The following GOT1 variants were observed in gnomAD, a reference collection of about 807,000 sequenced individuals.
GOT1 encodes aspartate aminotransferase, cytoplasmic.
Under a neutral mutation model 48.2 loss-of-function variants are expected in GOT1, and 25 were observed. The ratio of observed to expected loss-of-function variants is 0.52; its 90% CI spans 0.38 to 0.72. The LOEUF (loss-of-function observed/expected upper bound fraction) is 0.72, where lower values mean the gene tolerates loss of function less well. Ranked by LOEUF, GOT1 falls within the 30% of genes least tolerant of loss-of-function variation. The pLI, the probability that GOT1 is intolerant of heterozygous loss-of-function variation, is 0.00. For synonymous variants in GOT1, 188 were observed against 193.8 expected (o/e 0.97, Z 0.25); for missense variants, 380 against 520.1 (o/e 0.73, Z 2.62).
intron 1 of GOT1, among the ~76,000 whole-genome samples, chr10:99,429,690 G>C (rs1351355911): frequency 6.6e-6 from 1 of 152,116 alleles, no homozygotes; most frequent in African/African-American, 2.4e-5. Context: ...AAATCTTCTT[G>C]GCAGATGGGG....
chr10:99,419,654 G>T (rs1180591360), intron 2 of GOT1, among the ~76,000 whole-genome samples: 2 of 152,196 alleles, frequency 1.3e-5, no homozygotes, highest in Non-Finnish European at 2.9e-5. Flanking sequence ...AAAGAGAGGG[G>T]AGAAGGGTGG....
chr10:99,423,635 G>GA (rs1371262066), intron 1 of GOT1, among the ~76,000 whole-genome samples: 5 of 152,034 alleles, frequency 3.3e-5, no homozygotes, highest in Non-Finnish European at 5.9e-5. Flanking sequence ...CGGCTCTGGT[G>GA]AATCTAACTC....
intron 1 of GOT1, 193 bp downstream of exon 1, chr10:99,430,255 T>C: frequency 6.6e-7 from 1 of 1,513,020 alleles, no homozygotes; most frequent in Non-Finnish European, 8.9e-7. Context: ...ATCGCCCCTT[T>C]CCAGGGACTC....
chr10:99,406,263 A>C lies in GOT1; in HGVS notation c.425-14T>G. 6.3e-7 allele frequency: 1 copy of C among 1,587,088 alleles called. No individual in the cohort carries two copies. Among genetic ancestry groups the C allele is most frequent in the East Asian group, 2.2e-5 (1 of 44,756 alleles). On this transcript the variant is annotated splice_polypyrimidine_tract_variant and intron_variant, in intron 3 of 8. Coordinates refer to ENST00000370508, the MANE Select transcript of GOT1 (RefSeq NM_002079.3). ...CATTGTGATTCTCTGCATGCAAAGA[A>C]GTAAAAAGTTAAGCACTTTACAAAC...
chr10:99,402,103 C>T (rs370208345), intron 8 of GOT1, among the ~76,000 whole-genome samples: 2 of 152,228 alleles, frequency 1.3e-5, no homozygotes, highest in East Asian at 3.9e-4. Context: ...CCACTGTGCC[C>T]AGCCCAATCT....
intron 1 of GOT1, among the ~76,000 whole-genome samples, chr10:99,428,595 T>C (rs2033071664): frequency 1.3e-5 from 2 of 152,202 alleles, no homozygotes; most frequent in South Asian, 4.1e-4. Context: ...TGACCTCAGG[T>C]GATCCACCTG....
At chr10:99,405,627 C>A in intron 5 of GOT1, 129 bp downstream of exon 5, 1 of 579,346 alleles carries the variant, frequency 1.7e-6, no homozygotes, top group Non-Finnish European at 3.2e-6. Flanking sequence ...ACAGTTAATA[C>A]TTATTTTCTT....
intron 1 of GOT1, among the ~76,000 whole-genome samples, chr10:99,425,039 A>C (rs1408662667): frequency 6.6e-6 from 1 of 152,266 alleles, no homozygotes; most frequent in Non-Finnish European, 1.5e-5. Flanking sequence ...GGCTAGTAGA[A>C]GCTATAGAGA....
chr10:99,402,777 A>C, intron 7 of GOT1, 55 bp from the exon 8 acceptor site: 1 of 1,476,130 alleles, frequency 6.8e-7, no homozygotes. Context: ...ATGGTACCCG[A>C]AAACACACAG....
intron 8 of GOT1, among the ~76,000 whole-genome samples, chr10:99,398,362 T>C (rs2032626407): frequency 6.6e-6 from 1 of 152,214 alleles, no homozygotes. Context: ...ATTTGGCAAA[T>C]CCATTGATAG....
rs556134970 is a variant in GOT1, at chr10:99,406,861, G to C, written c.301-12C>G. On this transcript the variant is annotated splice_polypyrimidine_tract_variant and intron_variant, in intron 2 of 8. Transcript: ENST00000370508. The stretch of plus-strand genomic sequence containing the variant: ...TGCACACCTCCTACCTGAAAGAGAA[G>C]AAACAGGGTCACAGGCTGATAATGG... The C allele has an allele frequency of 2.5e-6, 4 of 1,613,454 alleles. No homozygotes were observed. The African/African-American group carries it at 4.0e-5, about 16-fold the overall frequency.
intron 2 of GOT1, among the ~76,000 whole-genome samples, chr10:99,410,216 A>C (rs192964463): frequency 1.3e-3 from 202 of 152,284 alleles, no homozygotes; most frequent in Middle Eastern, 6.8e-3. Context: ...TATAACACAA[A>C]TGTGCATTTA....
At chr10:99,429,194 C>T (rs2033080550) in intron 1 of GOT1, among the ~76,000 whole-genome samples, 2 of 151,924 alleles carry the variant, frequency 1.3e-5, no homozygotes. Flanking sequence ...GGACTATAGG[C>T]GGCCAACACC....
chr10:99,402,545 G>A (rs1211664794), intron 8 of GOT1, 35 bp downstream of exon 8: 1 of 1,610,746 alleles, frequency 6.2e-7, no homozygotes, highest in South Asian at 1.1e-5. Context: ...GTGTCTACAT[G>A]CACGCATGGG....
At chr10:99,413,274 C>T (rs913165719) in intron 2 of GOT1, among the ~76,000 whole-genome samples, 5 of 152,066 alleles carry the variant, frequency 3.3e-5, no homozygotes, top group African/African-American at 4.8e-5. Flanking sequence ...AACCATGGCA[C>T]GAGAACTACA....
intron 1 of GOT1, among the ~76,000 whole-genome samples, chr10:99,429,350 C>CTT (rs71488890): frequency 0.021 from 2,945 of 140,836 alleles, 92 homozygotes; most frequent in African/African-American, 0.069. Context: ...GCCCGGCCGA[C>CTT]TTTTTTTTTT....
intron 5 of GOT1, among the ~76,000 whole-genome samples, 185 bp from the exon 6 acceptor site, chr10:99,404,059 T>C (rs561175283): frequency 2.0e-4 from 30 of 152,318 alleles, no homozygotes; most frequent in African/African-American, 6.3e-4. Context: ...AAGTGTAACC[T>C]TTTCCGTAAA....
chr10:99,429,498 A>T (rs2033086823), intron 1 of GOT1, among the ~76,000 whole-genome samples: 1 of 152,006 alleles, frequency 6.6e-6, no homozygotes, highest in Non-Finnish European at 1.5e-5. Flanking sequence ...TTCTAAGTCT[A>T]TTACCTAGCA....
intron 5 of GOT1, among the ~76,000 whole-genome samples, chr10:99,405,086 A>G (rs560089447): frequency 6.6e-6 from 1 of 152,260 alleles, no homozygotes; most frequent in South Asian, 2.1e-4. Flanking sequence ...GTACTCGTCC[A>G]TCTCCCCAAA....
Sources: allele counts gnomAD v4.1 joint callset (sites outside exome capture counted in the v4.1 genomes callset), GRCh38; gene constraint gnomAD v4.1.1; transcripts MANE v1.5; gene names NCBI Gene and HGNC (gene_info 2026-07-23, HGNC 2026-07-21).